Variants in CLIP4 observed in about 807,000 individuals in gnomAD.
CLIP4 encodes the protein CAP-Gly domain-containing linker protein 4.
A neutral mutation model predicts 73.1 loss-of-function variants in CLIP4; 47 were observed. The observed-to-expected ratio is 0.64, with a 90% CI of 0.51 to 0.82. The LOEUF is 0.82. Among genes scored for constraint, CLIP4 ranks in the 40% least tolerant of loss-of-function variants. CLIP4 has a pLI of 0.00. For synonymous variants in CLIP4, 306 were observed against 295.4 expected, an observed-to-expected ratio of 1.04 and a Z score of -0.37; for missense variants, 874 against 852.9, an observed-to-expected ratio of 1.02 and a Z score of -0.31.
chr2:29,112,586 T>C (rs1432118601), upstream of CLIP4, among the ~76,000 whole-genome samples: 2 of 152,390 alleles, frequency 1.3e-5, no homozygotes, highest in East Asian at 3.8e-4. Flanking sequence ...TAGAAACTGA[T>C]CTTGTACTTG....
rs1572993578 is a variant in CLIP4, at chr2:29,160,334, T to A, written c.1401T>A (p.Gly467=). 3 of 1,614,002 alleles carry A rather than the reference T, an allele frequency of 1.9e-6. No individual in the cohort carries two copies. Among genetic ancestry groups the A allele is most frequent in the East Asian group, 4.5e-5 (2 of 44,872 alleles). ...TGTATCCCTCCCTGACTTAAACAGGTTTGAATTCCTCAGCAACATCTACAG... is the reference window on the plus strand; with the variant it reads ...TGTATCCCTCCCTGACTTAAACAGGATTGAATTCCTCAGCAACATCTACAG... ...SPSLSSRASA[G]LNSSATSTAN... Residue 467 remains glycine, a splice_region_variant and synonymous_variant, in exon 12 of 16, where the codon GGT becomes GGA. Coordinates refer to ENST00000320081, the MANE Select transcript of CLIP4 (RefSeq NM_024692.6).
At chr2:29,099,626 G>A (rs980629183) in intron 1 of CLIP4, among the ~76,000 whole-genome samples, 13 of 152,190 alleles carry the variant, frequency 8.5e-5, no homozygotes, top group Non-Finnish European at 1.5e-4. Context: ...CTTTAAGCCT[G>A]TAGTGTCAAT....
chr2:29,140,576 G>A (rs1330157098), intron 6 of CLIP4, among the ~76,000 whole-genome samples: 1 of 151,986 alleles, frequency 6.6e-6, no homozygotes, highest in Non-Finnish European at 1.5e-5. Flanking sequence ...ATGATTTATA[G>A]TCCTTTGGGT....
Position 29,183,007 on chromosome 2 carries a change from T to C in CLIP4, c.*1114T>C, listed in dbSNP as rs1668717793. ...TTTGCTGTTTTTATTTCTCTAATTG[T>C]TGCAGAGTTCTGCCTGTTACAAAGC... On this transcript the variant is annotated 3_prime_UTR_variant, in exon 16 of 16. Coordinates refer to ENST00000320081, the MANE Select transcript of CLIP4 (RefSeq NM_024692.6). 1.3e-5 allele frequency: 2 copies of C among 152,456 alleles called. No homozygotes were observed. The highest frequency in any genetic ancestry group is 2.9e-5 in the Non-Finnish European group (2 of 68,046). The allele number at this position is 152,456 out of a possible 1,614,324, so 9.4% of individuals were successfully genotyped here. A position where few individuals can be genotyped will look rare whatever the true frequency, so the allele number is the denominator to read the frequency against.
At chr2:29,125,294 G>A (rs564427953) in intron 2 of CLIP4, among the ~76,000 whole-genome samples, 2 of 152,306 alleles carry the variant, frequency 1.3e-5, no homozygotes, top group South Asian at 4.1e-4. Context: ...AATCTTCCTT[G>A]TGAGAATAGG....
At chr2:29,142,792 A>T (rs1465116099) in intron 6 of CLIP4, among the ~76,000 whole-genome samples, 1 of 152,230 alleles carries the variant, frequency 6.6e-6, no homozygotes, top group Admixed American at 6.5e-5. Flanking sequence ...TTTATTCTTT[A>T]TATTAAAAGA....
chr2:29,107,621 G>A (rs1668265324), intron 1 of CLIP4, among the ~76,000 whole-genome samples: 3 of 151,724 alleles, frequency 2.0e-5, no homozygotes, highest in South Asian at 4.2e-4. Flanking sequence ...TGATCCACCT[G>A]CCTCAACCTC....
chr2:29,143,629 G>T (rs928450382), intron 6 of CLIP4, 80 bp from the exon 7 acceptor site: 11 of 945,106 alleles, frequency 1.2e-5, no homozygotes, highest in Non-Finnish European at 1.7e-5. Context: ...TTAACGTAAA[G>T]TTCTTCCAAC....
intron 7 of CLIP4, 28 bp downstream of exon 7, chr2:29,143,973 G>A (rs1466850513): frequency 6.3e-7 from 1 of 1,590,684 alleles, no homozygotes; most frequent in Admixed American, 1.7e-5. Context: ...AATCTCTGAA[G>A]CCAGGGTTGT....
At chr2:29,122,874 G>T (rs1372726136) in intron 2 of CLIP4, among the ~76,000 whole-genome samples, 1 of 146,754 alleles carries the variant, frequency 6.8e-6, no homozygotes, top group African/African-American at 2.5e-5. Context: ...AGAATTATAG[G>T]TTTTTGTAGA....
At chr2:29,148,136 G>A (rs1212671710) in intron 8 of CLIP4, among the ~76,000 whole-genome samples, 1 of 152,200 alleles carries the variant, frequency 6.6e-6, no homozygotes, top group East Asian at 1.9e-4. Flanking sequence ...TGGGGCAGGG[G>A]TCATGTGTTG....
At chr2:29,110,679 G>T (rs1668361972), upstream of CLIP4, among the ~76,000 whole-genome samples, 1 of 151,912 alleles carries the variant, frequency 6.6e-6, no homozygotes. Context: ...AAACAGAGAT[G>T]ATATTTGTTT....
intron 2 of CLIP4, among the ~76,000 whole-genome samples, chr2:29,126,881 A>G (rs1664642935): frequency 6.6e-6 from 1 of 152,200 alleles, no homozygotes; most frequent in African/African-American, 2.4e-5. Context: ...GGTTGTAACC[A>G]GATATTGGAG....
intron 15 of CLIP4, 178 bp downstream of exon 15, chr2:29,174,623 T>G (rs1164924359): frequency 2.2e-6 from 3 of 1,348,138 alleles, no homozygotes; most frequent in Non-Finnish European, 2.8e-6. Context: ...GCAAGCGCAA[T>G]TAAAAATGTC....
At chr2:29,179,683 A>G (rs1341358916) in intron 15 of CLIP4, among the ~76,000 whole-genome samples, 1 of 152,256 alleles carries the variant, frequency 6.6e-6, no homozygotes, top group African/African-American at 2.4e-5. Flanking sequence ...CATTCCTATG[A>G]AAATTACAGT....
intron 5 of CLIP4, 53 bp downstream of exon 5, chr2:29,133,869 G>T: frequency 3.6e-6 from 5 of 1,380,970 alleles, no homozygotes; most frequent in East Asian, 2.5e-5. Flanking sequence ...CTTTAGTGGT[G>T]GCATAAAAAT....
At chr2:29,125,141 C>A (rs1305875142) in intron 2 of CLIP4, among the ~76,000 whole-genome samples, 1 of 152,166 alleles carries the variant, frequency 6.6e-6, no homozygotes, top group African/African-American at 2.4e-5. Context: ...TAATTGTTCC[C>A]TACTACTGAG....
intron 1 of CLIP4, among the ~76,000 whole-genome samples, chr2:29,098,689 G>C (rs151010551): frequency 6.6e-6 from 1 of 152,126 alleles, no homozygotes; most frequent in Non-Finnish European, 1.5e-5. Flanking sequence ...ATCGGTTCTC[G>C]TGTGGACATA....
chr2:29,128,359 A>G (rs1664749075), intron 2 of CLIP4, among the ~76,000 whole-genome samples: 1 of 152,076 alleles, frequency 6.6e-6, no homozygotes, highest in Non-Finnish European at 1.5e-5. Context: ...AAATAGGATT[A>G]CAGGTATTTA....
Sources: gnomAD v4.1 joint callset for allele counts (sites outside exome capture counted in the v4.1 genomes callset) on GRCh38, gnomAD v4.1.1 for gene constraint, MANE v1.5 for transcripts, NCBI Gene and HGNC (gene_info 2026-07-23, HGNC 2026-07-21) for gene names.